C14orf39: variants seen among roughly 807,000 people sequenced by gnomAD.
The protein encoded by C14orf39 is chromosome 14 open reading frame 39.
C14orf39 carries 66 observed loss-of-function variants against 85.6 expected under a neutral mutation model. The ratio of observed to expected loss-of-function variants is 0.77; its 90% confidence interval spans 0.63 to 0.95. The LOEUF (loss-of-function observed/expected upper bound fraction) is 0.95, where lower values mean the gene tolerates loss of function less well. C14orf39 is among the 40% of genes least tolerant of loss of function. The probability of loss-of-function intolerance (pLI) is 0.00; values close to 1 mark genes in which losing one functional copy is unlikely to be tolerated. For missense variants in C14orf39, 735 were observed against 663.9 expected, an observed-to-expected ratio of 1.11 and a Z score of -1.18; for synonymous variants, 242 against 214.0, an observed-to-expected ratio of 1.13 and a Z score of -1.14.
At chr14:60,458,626 AT>A (rs1891384177) in intron 14 of C14orf39, 51 bp downstream of exon 14, 1 of 1,293,156 alleles carries the variant, frequency 7.7e-7, no homozygotes, top group East Asian at 2.3e-5. Context: ...TAGACATAAT[AT>A]TTTAAATTGG....
exon 2 of C14orf39, chr14:60,499,335 T>G (rs1369895470): frequency 6.6e-6 from 1 of 151,912 alleles, no homozygotes; most frequent in African/African-American, 2.4e-5. Flanking sequence ...TGTGAAACAA[T>G]AGGAATAAAT....
intron 1 of C14orf39, chr14:60,510,938 G>T: frequency 1.2e-6 from 1 of 816,020 alleles, no homozygotes; most frequent in Non-Finnish European, 1.9e-6. Flanking sequence ...GACCTCTGTC[G>T]CCTTGCCGAG....
chr14:60,492,258 C>A (rs1289268855), intron 2 of C14orf39, among the ~76,000 whole-genome samples: 2 of 152,174 alleles, frequency 1.3e-5, no homozygotes, highest in African/African-American at 4.8e-5. Context: ...AAAGTTATGG[C>A]CTTTTTCTCT....
Position 60,478,642 on chromosome 14 carries a change from G to T in C14orf39, c.234-253C>A, listed in dbSNP as rs147652068. On this transcript the variant is annotated intron_variant, in intron 4 of 17. Transcript: ENST00000321731. ...TTTTTGAACCATTACTAGGGAAGGA[G>T]CAAATGTGACATGGCTGGATTGTGT... Among the ~76,000 whole-genome samples the T allele has an allele frequency of 3.5e-4, 54 of 152,202 alleles. No homozygotes were observed. The East Asian group carries it at 9.5e-3, about 27-fold the overall frequency.
chr14:60,513,104 T>C (rs977426614), intron 1 of C14orf39, among the ~76,000 whole-genome samples: 9 of 152,228 alleles, frequency 5.9e-5, no homozygotes, highest in African/African-American at 2.2e-4. Context: ...TTGAATAGAT[T>C]TGGCTCATTT....
At chr14:60,445,543 A>G (rs1290876134) in intron 16 of C14orf39, among the ~76,000 whole-genome samples, 1 of 152,222 alleles carries the variant, frequency 6.6e-6, no homozygotes, top group Admixed American at 6.5e-5. Flanking sequence ...AACCCAATAC[A>G]GGAGCACCCA....
At chr14:60,474,795 C>G (rs1041374751) in intron 5 of C14orf39, among the ~76,000 whole-genome samples, 1 of 151,956 alleles carries the variant, frequency 6.6e-6, no homozygotes, top group East Asian at 1.9e-4. Flanking sequence ...CTGCTGGATT[C>G]GGTTTGCCAG....
At chr14:60,499,082 C>A (rs1336885321) in intron 2 of C14orf39, among the ~76,000 whole-genome samples, 1 of 151,990 alleles carries the variant, frequency 6.6e-6, no homozygotes, top group Admixed American at 6.6e-5. Context: ...ATGGCAAAAC[C>A]CCATCTCTAC....
chr14:60,462,998 G>C (rs957038902), intron 11 of C14orf39, among the ~76,000 whole-genome samples: 1 of 152,022 alleles, frequency 6.6e-6, no homozygotes, highest in Admixed American at 6.6e-5. Context: ...TCAAGCAGTA[G>C]AATTGCTAAG....
intron 17 of C14orf39, among the ~76,000 whole-genome samples, chr14:60,438,238 GTGGA>G (rs987376660): frequency 1.6e-4 from 25 of 151,960 alleles, no homozygotes; most frequent in African/African-American, 5.6e-4. Flanking sequence ...AGTAAGATGG[GTGGA>G]TGGATGGATG....
chr14:60,459,353 T>C (rs1178881155), intron 13 of C14orf39, among the ~76,000 whole-genome samples: 3 of 151,740 alleles, frequency 2.0e-5, no homozygotes, highest in Non-Finnish European at 4.4e-5. Context: ...CTTTTACATA[T>C]ATCCTTGCAT....
At chr14:60,509,631 A>G (rs1893259598) in intron 1 of C14orf39, 1 of 1,613,856 alleles carries the variant, frequency 6.2e-7, no homozygotes, top group Non-Finnish European at 8.5e-7. Flanking sequence ...GAAAACCACA[A>G]GTTCACCAAG....
Position 60,484,981 on chromosome 14 carries a change from T to C in C14orf39, c.50-44A>G. 6.3e-7 allele frequency: 1 copy of C among 1,582,620 alleles called. No homozygotes were observed. Among genetic ancestry groups the C allele is most frequent in the Non-Finnish European group, 8.6e-7 (1 of 1,166,618 alleles). On this transcript the variant is annotated intron_variant, in intron 2 of 17. Transcript: ENST00000321731. The surrounding 1 kb of genome is among the most constrained non-coding windows in gnomAD (Gnocchi z 4.2). Reference sequence around the variant, plus strand: ...TTGTGACTTCAATTCATTGTTAAAATATCAAATGATCATACAAAAAGCTAC... The same window carrying C: ...TTGTGACTTCAATTCATTGTTAAAACATCAAATGATCATACAAAAAGCTAC...
At chr14:60,472,548 C>T (rs1892146045) in intron 5 of C14orf39, among the ~76,000 whole-genome samples, 1 of 152,146 alleles carries the variant, frequency 6.6e-6, no homozygotes, top group South Asian at 2.1e-4. Context: ...CTATCTCTCC[C>T]TCCTACCCCC....
At chr14:60,480,636 G>A (rs925148503) in intron 4 of C14orf39, among the ~76,000 whole-genome samples, 4 of 152,032 alleles carry the variant, frequency 2.6e-5, no homozygotes, top group Admixed American at 6.6e-5. Flanking sequence ...TCAGTACATC[G>A]AAGAGATATC....
intron 14 of C14orf39, among the ~76,000 whole-genome samples, chr14:60,457,702 G>A (rs569715784): frequency 6.6e-5 from 10 of 151,970 alleles, no homozygotes; most frequent in South Asian, 6.2e-4. Flanking sequence ...TGCTTATTAC[G>A]TGTGTTTTTT....
At chr14:60,485,480 T>G (rs150820532) in intron 1 of C14orf39, among the ~76,000 whole-genome samples, 113 of 152,354 alleles carry the variant, frequency 7.4e-4, no homozygotes, top group African/African-American at 2.5e-3. Flanking sequence ...TACAACCACG[T>G]GTAGCAAAAT....
intron 1 of C14orf39, chr14:60,511,115 G>T: frequency 6.2e-7 from 1 of 1,612,864 alleles, no homozygotes; most frequent in Non-Finnish European, 8.5e-7. Context: ...ACAGGGTTCC[G>T]GGCGGGCACT....
At chr14:60,506,662 T>G (rs1204610469) in intron 1 of C14orf39, among the ~76,000 whole-genome samples, 2 of 152,170 alleles carry the variant, frequency 1.3e-5, no homozygotes, top group Non-Finnish European at 2.9e-5. Flanking sequence ...GATCTCCTGA[T>G]AGTAGTCCCC....
Sources: allele counts gnomAD v4.1 joint callset (sites outside exome capture counted in the v4.1 genomes callset), GRCh38; gene constraint gnomAD v4.1.1; non-coding constraint Gnocchi (gnomAD v3.1); transcripts MANE v1.5; gene names NCBI Gene and HGNC (gene_info 2026-07-23, HGNC 2026-07-21).